AUTS2: variants seen among roughly 807,000 people sequenced by gnomAD.
The protein encoded by AUTS2 is activator of transcription and developmental regulator AUTS2, also known as autism susceptibility gene 2 protein.
A neutral mutation model predicts 112.4 loss-of-function variants in AUTS2; 17 were observed. The observed-to-expected ratio is 0.15, with a 90% confidence interval of 0.10 to 0.23. The LOEUF (loss-of-function observed/expected upper bound fraction) is 0.23. Among genes scored for constraint, AUTS2 ranks in the 10% least tolerant of loss-of-function variants. The probability of loss-of-function intolerance (pLI) is 1.00; values close to 1 mark genes in which losing one functional copy is unlikely to be tolerated. For missense variants in AUTS2, 1,510 were observed against 1,701.6 expected, an observed-to-expected ratio of 0.89 and a Z score of 1.98; for synonymous variants, 751 against 702.7, an observed-to-expected ratio of 1.07 and a Z score of -1.09.
At chr7:69,651,319 A>C (rs1795278630) in intron 1 of AUTS2, among the ~76,000 whole-genome samples, 1 of 152,184 alleles carries the variant, frequency 6.6e-6, no homozygotes, top group Non-Finnish European at 1.5e-5. Context: ...TTCTGGGAAC[A>C]GCAGATTTTT....
chr7:70,475,578 G>C (rs1357064007), intron 5 of AUTS2, among the ~76,000 whole-genome samples: 2 of 152,154 alleles, frequency 1.3e-5, no homozygotes, highest in African/African-American at 2.4e-5. Context: ...GCCTCACATA[G>C]AGTGGTGCTC....
At chr7:70,576,126 A>G (rs1239952263) in intron 5 of AUTS2, among the ~76,000 whole-genome samples, 2 of 152,100 alleles carry the variant, frequency 1.3e-5, no homozygotes, top group Non-Finnish European at 2.9e-5. Context: ...AGGCAGATGT[A>G]CATTTTTTAT....
chr7:69,834,472 C>T (rs923257202), intron 1 of AUTS2, among the ~76,000 whole-genome samples: 3 of 152,156 alleles, frequency 2.0e-5, no homozygotes, highest in Admixed American at 6.5e-5. Context: ...CTGGCTCCCT[C>T]ATTGCTAAAC....
Position 70,251,878 on chromosome 7 carries a change from C to T in AUTS2, c.660+117307C>T, listed in dbSNP as rs1361497352. On this transcript the variant is annotated intron_variant, in intron 4 of 18. Transcript: ENST00000342771. ...AAACTGTGTGAATAATACCATATAC[C>T]CTTTACCTAGAGCCTCTGATTCTTA... is the stretch of plus-strand genomic sequence containing the variant. Among the ~76,000 whole-genome samples the T allele has an allele frequency of 5.3e-5, 8 of 151,526 alleles. No homozygotes were observed. In the East Asian group the frequency reaches 1.4e-3, roughly 26 times the overall value.
intron 1 of AUTS2, among the ~76,000 whole-genome samples, chr7:69,667,966 A>C (rs1217870638): frequency 1.3e-5 from 2 of 152,230 alleles, no homozygotes; most frequent in African/African-American, 4.8e-5. Flanking sequence ...GCAGCCTTCC[A>C]AAAATACCAC....
At chr7:70,296,205 G>A (rs1185058751) in intron 4 of AUTS2, among the ~76,000 whole-genome samples, 5 of 152,140 alleles carry the variant, frequency 3.3e-5, no homozygotes, top group Non-Finnish European at 5.9e-5. Context: ...AGTAGATTTC[G>A]ACTCATCAAA....
intron 5 of AUTS2, among the ~76,000 whole-genome samples, chr7:70,496,627 G>A (rs62648710): frequency 0.044 from 696 of 15,950 alleles, no homozygotes; most frequent in African/African-American, 0.077. Flanking sequence ...ACGTACACAG[G>A]CACACACACA....
intron 4 of AUTS2, among the ~76,000 whole-genome samples, chr7:70,217,303 A>G (rs1261017682): frequency 1.3e-5 from 2 of 152,088 alleles, no homozygotes; most frequent in Non-Finnish European, 2.9e-5. Context: ...GTATGCAGTC[A>G]CTCTCAAGGT....
intron 1 of AUTS2, among the ~76,000 whole-genome samples, chr7:69,679,925 GAAATCAGTCCCCTTTTCTTCCTTTAA>G (rs1457688546): frequency 6.6e-6 from 1 of 152,078 alleles, no homozygotes; most frequent in East Asian, 1.9e-4. Context: ...ACCTTTGAAT[GAAATCAGTCCCCTTTTCTTCCTTTAA>G]AAAAACTTAT....
chr7:70,389,837 C>T (rs2129700964), intron 4 of AUTS2, among the ~76,000 whole-genome samples: 1 of 152,200 alleles, frequency 6.6e-6, no homozygotes, highest in Middle Eastern at 3.4e-3. Context: ...TTCTATTTCA[C>T]AGGAACTTTT....
chr7:70,058,022 T>C (rs1802071249), intron 2 of AUTS2, among the ~76,000 whole-genome samples: 1 of 152,158 alleles, frequency 6.6e-6, no homozygotes, highest in African/African-American at 2.4e-5. Flanking sequence ...GAAAAGACAG[T>C]CATGGGAATA....
intron 4 of AUTS2, among the ~76,000 whole-genome samples, chr7:70,171,275 A>AG (rs1808671691): frequency 6.6e-6 from 1 of 152,224 alleles, no homozygotes; most frequent in Non-Finnish European, 1.5e-5. Context: ...AAGGGGAACA[A>AG]GGAAGGGGTC....
At chr7:69,791,749 T>C (rs143201327) in intron 1 of AUTS2, among the ~76,000 whole-genome samples, 231 of 152,326 alleles carry the variant, frequency 1.5e-3, no homozygotes, top group African/African-American at 5.4e-3. Flanking sequence ...TTAACTGACA[T>C]AGGCTGGCCT....
At chr7:69,604,708 A>C (rs769647513) in intron 1 of AUTS2, among the ~76,000 whole-genome samples, 21 of 152,248 alleles carry the variant, frequency 1.4e-4, no homozygotes, top group South Asian at 4.1e-4. Flanking sequence ...GGTGGAAATG[A>C]GTACAAAGGT....
At chr7:69,887,041 G>C (rs957201022) in intron 1 of AUTS2, among the ~76,000 whole-genome samples, 11 of 152,260 alleles carry the variant, frequency 7.2e-5, no homozygotes, top group African/African-American at 2.2e-4. Flanking sequence ...GCCTCCCAAA[G>C]TGTTGGCATT....
rs548231590 is a variant in AUTS2 at position 70,352,104 on chromosome 7, G to T, written c.661-83648G>T. Among the ~76,000 whole-genome samples the T allele has an allele frequency of 3.3e-5, 5 of 152,294 alleles. No individual in the cohort carries two copies. In the East Asian group the frequency reaches 7.7e-4, roughly 23 times the overall value. ...AATCTTCATAACAATCTCTGACATA[G>T]ATACTACTGTTAATCCCATCACACA... is the stretch of plus-strand genomic sequence containing the variant. On this transcript the variant is annotated intron_variant, in intron 4 of 18. Coordinates refer to ENST00000342771, the MANE Select transcript of AUTS2 (RefSeq NM_015570.4).
chr7:70,603,748 T>C (rs547758546), intron 5 of AUTS2, among the ~76,000 whole-genome samples: 1 of 152,334 alleles, frequency 6.6e-6, no homozygotes, highest in South Asian at 2.1e-4. Flanking sequence ...AATACTTTAT[T>C]TTTAAGGAGA....
intron 1 of AUTS2, among the ~76,000 whole-genome samples, chr7:69,873,368 A>G (rs1487475241): frequency 3.3e-5 from 5 of 151,048 alleles, no homozygotes; most frequent in Admixed American, 1.3e-4. Flanking sequence ...GGAACTTTGA[A>G]TAAACACCTG....
chr7:69,657,003 C>T (rs1037148147), intron 1 of AUTS2, among the ~76,000 whole-genome samples: 3 of 152,114 alleles, frequency 2.0e-5, no homozygotes, highest in Non-Finnish European at 4.4e-5. Context: ...ATGAGTCGTG[C>T]AGCCTTTCTG....
Sources: allele counts gnomAD v4.1 joint callset (sites outside exome capture counted in the v4.1 genomes callset), GRCh38; gene constraint gnomAD v4.1.1; transcripts MANE v1.5; gene names NCBI Gene and HGNC (gene_info 2026-07-23, HGNC 2026-07-21).